Variants in NKAIN3 observed in about 807,000 individuals in gnomAD.
The protein encoded by NKAIN3 is sodium/potassium-transporting ATPase subunit beta-1-interacting protein 3.
Under a neutral mutation model 30.2 loss-of-function variants are expected in NKAIN3, and 25 were observed. The ratio of observed to expected loss-of-function variants is 0.83; its 90% CI spans 0.60 to 1.16. The LOEUF is 1.16. Among genes scored for constraint, NKAIN3 ranks in the 50% most tolerant of loss-of-function variants. NKAIN3 has a pLI of 0.00. For missense variants in NKAIN3, 225 were observed against 254.1 expected (o/e 0.89, Z 0.78); for synonymous variants, 91 against 89.6 (o/e 1.02, Z -0.09).
At chr8:62,612,022 T>C (rs137994028) in intron 3 of NKAIN3, among the ~76,000 whole-genome samples, 143 of 152,212 alleles carry the variant, frequency 9.4e-4, no homozygotes, top group African/African-American at 3.2e-3. Flanking sequence ...GTTTTGATTT[T>C]CATTTCTCTG....
At chr8:62,902,677 G>T (rs528438647) in intron 4 of NKAIN3, among the ~76,000 whole-genome samples, 1 of 152,124 alleles carries the variant, frequency 6.6e-6, no homozygotes, top group Admixed American at 6.5e-5. Flanking sequence ...GATTGTAAAC[G>T]GGTAAATATT....
intron 4 of NKAIN3, among the ~76,000 whole-genome samples, chr8:62,826,877 G>T (rs1171703611): frequency 6.6e-6 from 1 of 152,088 alleles, no homozygotes; most frequent in Non-Finnish European, 1.5e-5. Flanking sequence ...TTCAAATCTG[G>T]GATCCTTTAC....
intron 3 of NKAIN3, among the ~76,000 whole-genome samples, chr8:62,708,706 CT>C (rs1476166729): frequency 6.6e-6 from 1 of 152,076 alleles, no homozygotes; most frequent in Non-Finnish European, 1.5e-5. Context: ...ATTTGGATGC[CT>C]TTTATTTCTT....
chr8:62,594,669 A>T (rs1810767833), intron 3 of NKAIN3, among the ~76,000 whole-genome samples: 1 of 152,096 alleles, frequency 6.6e-6, no homozygotes. Flanking sequence ...GACTTTTTTA[A>T]TTCCCCATTA....
intron 3 of NKAIN3, among the ~76,000 whole-genome samples, chr8:62,742,403 T>C (rs1815932567): frequency 6.6e-6 from 1 of 152,174 alleles, no homozygotes; most frequent in African/African-American, 2.4e-5. Flanking sequence ...AGGGACATCA[T>C]TGTAAATTTA....
intron 1 of NKAIN3, among the ~76,000 whole-genome samples, chr8:62,296,243 A>G (rs1329514443): frequency 2.6e-5 from 4 of 152,204 alleles, no homozygotes; most frequent in South Asian, 4.1e-4. Context: ...GCTGGGATAT[A>G]GTTAAAGGTG....
chr8:62,267,570 T>G (rs183528020), intron 1 of NKAIN3, among the ~76,000 whole-genome samples: 11 of 152,378 alleles, frequency 7.2e-5, no homozygotes, highest in African/African-American at 2.6e-4. Flanking sequence ...TATTCATATA[T>G]ATTTTTCTTC....
intron 1 of NKAIN3, among the ~76,000 whole-genome samples, chr8:62,419,367 G>A (rs761491455): frequency 1.3e-5 from 2 of 152,052 alleles, no homozygotes; most frequent in African/African-American, 2.4e-5. Context: ...TGATAGTTAA[G>A]GTATATCTTT....
chr8:62,703,326 A>T (rs1260236634), intron 3 of NKAIN3, among the ~76,000 whole-genome samples: 7 of 152,134 alleles, frequency 4.6e-5, no homozygotes, highest in South Asian at 2.1e-4. Flanking sequence ...TAACAATATT[A>T]TTATCTAATT....
At chr8:62,809,129 G>C (rs1818401274) in intron 4 of NKAIN3, among the ~76,000 whole-genome samples, 1 of 152,180 alleles carries the variant, frequency 6.6e-6, no homozygotes, top group Non-Finnish European at 1.5e-5. Flanking sequence ...CTCTCAGGTA[G>C]TCAGACCTAA....
intron 1 of NKAIN3, among the ~76,000 whole-genome samples, chr8:62,279,866 TG>T (rs1241835375): frequency 2.6e-5 from 4 of 152,222 alleles, no homozygotes; most frequent in African/African-American, 9.7e-5. Context: ...GGCTCTTTTT[TG>T]GTTCCATATG....
intron 1 of NKAIN3, among the ~76,000 whole-genome samples, chr8:62,293,785 T>G (rs953199902): frequency 6.6e-5 from 10 of 152,330 alleles, no homozygotes; most frequent in Admixed American, 5.2e-4. Context: ...GAAGTTTAAG[T>G]CTGCAGAAGT....
chr8:62,938,078 C>G (rs778744793), intron 5 of NKAIN3, among the ~76,000 whole-genome samples: 1 of 152,118 alleles, frequency 6.6e-6, no homozygotes, highest in Non-Finnish European at 1.5e-5. Context: ...AGCTCAGACA[C>G]GCCTAACCCT....
At chr8:62,719,916 C>G (rs903915188) in intron 3 of NKAIN3, among the ~76,000 whole-genome samples, 4 of 151,982 alleles carry the variant, frequency 2.6e-5, no homozygotes, top group East Asian at 1.9e-4. Flanking sequence ...GCTACCACGC[C>G]TGGCTAATTT....
intron 1 of NKAIN3, among the ~76,000 whole-genome samples, chr8:62,271,709 T>C (rs1008396302): frequency 6.6e-6 from 1 of 152,168 alleles, no homozygotes; most frequent in African/African-American, 2.4e-5. Flanking sequence ...TTTAAAAAAA[T>C]TATGTTTTAG....
intron 4 of NKAIN3, among the ~76,000 whole-genome samples, chr8:62,859,521 A>AAAAAAAAAAAAAAAAAAAAAAAT (rs67943979): frequency 6.7e-6 from 1 of 150,348 alleles, no homozygotes; most frequent in African/African-American, 2.4e-5. Context: ...AAAAAAAAAA[A>AAAAAAAAAAAAAAAAAAAAAAAT]CTTCATGGAA....
At chr8:62,805,499 A>G (rs181247289) in intron 4 of NKAIN3, among the ~76,000 whole-genome samples, 4 of 152,310 alleles carry the variant, frequency 2.6e-5, no homozygotes, top group Admixed American at 2.0e-4. Flanking sequence ...ATAATGCCAC[A>G]TATCTACAAC....
intron 1 of NKAIN3, among the ~76,000 whole-genome samples, chr8:62,310,322 G>A (rs2351655): frequency 0.31 from 45,914 of 150,040 alleles, 8,004 homozygotes; most frequent in East Asian, 0.46. Flanking sequence ...TTGAAACACT[G>A]GGAAGGATCT....
At chr8:62,801,357 G>A (rs1203232852) in intron 4 of NKAIN3, among the ~76,000 whole-genome samples, 5 of 152,200 alleles carry the variant, frequency 3.3e-5, no homozygotes, top group African/African-American at 1.2e-4. Context: ...AGCCTAACTG[G>A]GAGGCACCCC....
Sources: gnomAD v4.1 joint callset for allele counts (sites outside exome capture counted in the v4.1 genomes callset) on GRCh38, gnomAD v4.1.1 for gene constraint, MANE v1.5 for transcripts, NCBI Gene and HGNC (gene_info 2026-07-23, HGNC 2026-07-21) for gene names.